Variants in EPB41 observed in about 807,000 individuals in gnomAD.
The protein encoded by EPB41 is protein 4.1.
Under a neutral mutation model 108.0 loss-of-function variants are expected in EPB41, and 65 were observed. The observed-to-expected ratio is 0.60, with a 90% confidence interval of 0.49 to 0.74. The LOEUF is 0.74. Ranked by LOEUF, EPB41 falls within the 30% of genes least tolerant of loss-of-function variation. The pLI, the probability that EPB41 is intolerant of heterozygous loss-of-function variation, is 0.00. For missense variants in EPB41, 875 were observed against 1,037.0 expected, an observed-to-expected ratio of 0.84 and a Z score of 2.15; for synonymous variants, 336 against 358.9, an observed-to-expected ratio of 0.94 and a Z score of 0.72.
chr1:28,902,418 GC>G (rs1482135773), intron 1 of EPB41: 1 of 980,370 alleles, frequency 1.0e-6, no homozygotes, highest in Non-Finnish European at 1.2e-6. Context: ...AGAGGATTGA[GC>G]TTTTTGTTTT....
chr1:29,030,429 A>T lies in EPB41; in HGVS notation c.1154A>T (p.Glu385Val). ...ATGACTCCAGCTCAGGCTGACTTGGAGTTTCTTGAGAATGCCAAAAAGTTG... is the reference window on the plus strand; with the variant it reads ...ATGACTCCAGCTCAGGCTGACTTGGTGTTTCTTGAGAATGCCAAAAAGTTG... Reference protein sequence around the residue: ...RSMTPAQADLEFLENAKKLSM... With the variant: ...RSMTPAQADLVFLENAKKLSM... Residue 385 changes from glutamate (E) to valine (V), a missense_variant, in exon 8 of 21, where the codon GAG (glutamate) becomes GTG (valine). Coordinates refer to ENST00000343067, the MANE Select transcript of EPB41 (RefSeq NM_001376013.1). 6.2e-7 allele frequency: 1 copy of T among 1,614,088 alleles called. No homozygotes were observed. The highest frequency in any genetic ancestry group is 8.5e-7 in the Non-Finnish European group (1 of 1,179,982).
chr1:28,963,714 A>C (rs1281352089), intron 1 of EPB41, among the ~76,000 whole-genome samples: 1 of 152,336 alleles, frequency 6.6e-6, no homozygotes, highest in South Asian at 2.1e-4. Flanking sequence ...TATCAGTCTC[A>C]TTGAGGTTTA....
intron 4 of EPB41, among the ~76,000 whole-genome samples, chr1:29,001,648 C>T (rs529482007): frequency 6.6e-6 from 1 of 152,238 alleles, no homozygotes; most frequent in African/African-American, 2.4e-5. Flanking sequence ...AAATTATTTG[C>T]CTTCAGAATT....
At chr1:28,901,119 T>A (rs376778429) in intron 1 of EPB41, among the ~76,000 whole-genome samples, 1 of 151,666 alleles carries the variant, frequency 6.6e-6, no homozygotes, top group Admixed American at 6.6e-5. Context: ...TTAGTAGAGA[T>A]GGGGTTTCAC....
chr1:29,070,210 A>G, intron 16 of EPB41: 1 of 543,902 alleles, frequency 1.8e-6, no homozygotes, highest in Non-Finnish European at 2.8e-6. Context: ...CTTTGCCAGG[A>G]TAAATTGCCA....
chr1:29,052,410 T>C (rs1644684057), intron 11 of EPB41, among the ~76,000 whole-genome samples: 2 of 152,182 alleles, frequency 1.3e-5, no homozygotes, highest in Admixed American at 6.5e-5. Flanking sequence ...TACAAATTGG[T>C]AAGGCTGAGA....
intron 1 of EPB41, among the ~76,000 whole-genome samples, chr1:28,983,775 G>A (rs754521543): frequency 6.6e-6 from 1 of 152,014 alleles, no homozygotes; most frequent in Non-Finnish European, 1.5e-5. Flanking sequence ...TTTTAGCTTC[G>A]ACATGCCATC....
chr1:28,910,070 G>A (rs157195), upstream of EPB41, among the ~76,000 whole-genome samples: 26,062 of 149,878 alleles, frequency 0.17, 2,800 homozygotes, highest in East Asian at 0.47. Context: ...CTGGGTAACA[G>A]AGTGAGACCA....
At chr1:29,088,337 G>T (rs1280301739) in intron 16 of EPB41, among the ~76,000 whole-genome samples, 4 of 152,088 alleles carry the variant, frequency 2.6e-5, no homozygotes, top group African/African-American at 9.7e-5. Flanking sequence ...GTGAGCCCCT[G>T]CACCCGGCCA....
chr1:28,995,539 C>T (rs913301823), intron 3 of EPB41, among the ~76,000 whole-genome samples: 4 of 152,064 alleles, frequency 2.6e-5, no homozygotes, highest in African/African-American at 7.2e-5. Flanking sequence ...TCCAGCCTGG[C>T]GACAGAGTGA....
rs377416738 is a variant in EPB41 at position 28,982,346 on chromosome 1, T to G, written c.-7-5085T>G. ...TTTTATCTCTTTTCAAACTTGACCT[T>G]GGCCTCTCGTCGGGCTTTGGGCATT... On this transcript the variant is annotated intron_variant, in intron 1 of 20. Transcript: ENST00000343067. 3.3e-5 allele frequency: 22 copies of G among 671,406 alleles called. No homozygotes were observed. The African/African-American group carries it at 3.7e-4, about 11-fold the overall frequency. The allele number at this position is 671,406 out of a possible 1,614,324, so 41.6% of individuals were successfully genotyped here. A position where few individuals can be genotyped will look rare whatever the true frequency, so the allele number is the denominator to read the frequency against.
chr1:29,098,841 G>A (rs1664198319), intron 17 of EPB41, among the ~76,000 whole-genome samples: 1 of 151,696 alleles, frequency 6.6e-6, no homozygotes, highest in Non-Finnish European at 1.5e-5. Context: ...CTGCCTTCTG[G>A]GTTCAAGTGA....
intron 1 of EPB41, among the ~76,000 whole-genome samples, chr1:28,891,811 G>A (rs890057036): frequency 2.0e-5 from 3 of 152,046 alleles, no homozygotes; most frequent in Non-Finnish European, 4.4e-5. Context: ...ACCACCGGCC[G>A]GGCATGGTGG....
Position 28,889,903 on chromosome 1 carries a change from G to C in EPB41, c.-8+2693G>C, listed in dbSNP as rs1014437343. On this transcript the variant is annotated intron_variant, in intron 1 of 16. Transcript: ENST00000347529. ...ACAGAGGGCTCACCACAGAGTTATGGTGTCCTGAGATTTGTTAGGGGTTTG... is the reference window on the plus strand; with the variant it reads ...ACAGAGGGCTCACCACAGAGTTATGCTGTCCTGAGATTTGTTAGGGGTTTG... The C allele has an allele frequency of 3.2e-6, 3 of 930,520 alleles. No homozygotes were observed. The Admixed American group carries it at 1.9e-4, about 57-fold the overall frequency. 57.6% of individuals were successfully genotyped at this position (930,520 alleles called of 1,614,324 possible).
intron 1 of EPB41, among the ~76,000 whole-genome samples, chr1:28,978,869 A>C (rs2095667716): frequency 6.6e-6 from 1 of 151,392 alleles, no homozygotes; most frequent in African/African-American, 2.5e-5. Context: ...TTATACCATC[A>C]ACTTTTCTGG....
chr1:29,076,920 A>G (rs1176648147), intron 16 of EPB41, among the ~76,000 whole-genome samples: 3 of 152,118 alleles, frequency 2.0e-5, no homozygotes, highest in South Asian at 4.1e-4. Context: ...AAAAATTTTA[A>G]ATAAAAATAG....
intron 1 of EPB41, among the ~76,000 whole-genome samples, chr1:28,901,963 C>T (rs2091362467): frequency 6.6e-6 from 1 of 152,202 alleles, no homozygotes; most frequent in African/African-American, 2.4e-5. Context: ...TGTCTCTCCT[C>T]GCATTGGAAT....
chr1:29,008,920 A>G (rs1038692917), intron 4 of EPB41, among the ~76,000 whole-genome samples: 27 of 152,188 alleles, frequency 1.8e-4, no homozygotes, highest in African/African-American at 6.5e-4. Flanking sequence ...GACTCCATTT[A>G]GATCCCCCAG....
At chr1:29,088,216 T>G (rs989788026) in intron 16 of EPB41, among the ~76,000 whole-genome samples, 4 of 152,004 alleles carry the variant, frequency 2.6e-5, no homozygotes, top group Admixed American at 6.6e-5. Flanking sequence ...CTGGCTAATT[T>G]TTGTATTTTT....
Sources: gnomAD v4.1 joint callset for allele counts (sites outside exome capture counted in the v4.1 genomes callset) on GRCh38, gnomAD v4.1.1 for gene constraint, MANE v1.5 for transcripts, NCBI Gene and HGNC (gene_info 2026-07-23, HGNC 2026-07-21) for gene names.